CRACD: variants seen among roughly 807,000 people sequenced by gnomAD.
CRACD encodes capping protein inhibiting regulator of actin dynamics.
A neutral mutation model predicts 106.8 loss-of-function variants in CRACD; 56 were observed. The observed-to-expected ratio is 0.52, with a 90% CI of 0.42 to 0.66. The LOEUF (loss-of-function observed/expected upper bound fraction) is 0.66. CRACD is among the 30% of genes least tolerant of loss of function. CRACD has a pLI of 0.00. For synonymous variants in CRACD, 754 were observed against 670.8 expected (o/e 1.12, Z -1.92); for missense variants, 1,730 against 1,623.2 (o/e 1.07, Z -1.13).
At chr4:56,083,540 A>G (rs1283039346) in intron 1 of CRACD, among the ~76,000 whole-genome samples, 1 of 152,010 alleles carries the variant, frequency 6.6e-6, no homozygotes, top group East Asian at 1.9e-4. Context: ...AAACTTACCT[A>G]AATTTCTTGA....
intron 2 of CRACD, among the ~76,000 whole-genome samples, chr4:56,231,046 TA>T (rs1560493674): frequency 2.2e-5 from 3 of 138,294 alleles, no homozygotes; most frequent in African/African-American, 2.7e-5. Context: ...TATAGAAAAG[TA>T]AAAAACAAAA....
intron 2 of CRACD, among the ~76,000 whole-genome samples, chr4:56,217,918 T>C (rs1409426236): frequency 6.6e-6 from 1 of 152,186 alleles, no homozygotes; most frequent in African/African-American, 2.4e-5. Flanking sequence ...ACCAAAGTGT[T>C]GGCAGGGTTG....
At chr4:56,269,562 CTTTTTTTT>C (rs56162079) in intron 2 of CRACD, among the ~76,000 whole-genome samples, 1 of 112,130 alleles carries the variant, frequency 8.9e-6, no homozygotes, top group Non-Finnish European at 1.8e-5. Context: ...AGGTGCCACA[CTTTTTTTT>C]TTTTTTTTTT....
chr4:56,052,500 A>G (rs1409604501), intron 1 of CRACD, among the ~76,000 whole-genome samples: 1 of 152,228 alleles, frequency 6.6e-6, no homozygotes, highest in African/African-American at 2.4e-5. Context: ...TTACAACATC[A>G]ATTGGAGTTT....
intron 2 of CRACD, among the ~76,000 whole-genome samples, chr4:56,255,481 TAAA>T (rs10564197): frequency 0.095 from 14,077 of 147,564 alleles, 1,926 homozygotes; most frequent in East Asian, 0.61. Flanking sequence ...ACTGACTCTT[TAAA>T]AAAAAAAAAT....
chr4:56,152,078 C>T (rs1314648976), intron 1 of CRACD, among the ~76,000 whole-genome samples: 5 of 149,842 alleles, frequency 3.3e-5, no homozygotes, highest in South Asian at 4.2e-4. Context: ...GGTGCGGTCT[C>T]GGCTCACTGC....
chr4:56,148,398 C>T (rs1410453755), intron 1 of CRACD, among the ~76,000 whole-genome samples: 1 of 151,948 alleles, frequency 6.6e-6, no homozygotes, highest in African/African-American at 2.4e-5. Context: ...TCAAGGGATC[C>T]TCCCACCTCA....
At chr4:56,058,058 G>A (rs1276798572) in intron 1 of CRACD, among the ~76,000 whole-genome samples, 1 of 151,390 alleles carries the variant, frequency 6.6e-6, no homozygotes, top group African/African-American at 2.4e-5. Flanking sequence ...CTGACATCAA[G>A]TGATCCACTC....
At chr4:56,326,809 G>A (rs375812807) in intron 10 of CRACD, among the ~76,000 whole-genome samples, 2 of 150,732 alleles carry the variant, frequency 1.3e-5, no homozygotes, top group Non-Finnish European at 2.9e-5. Context: ...GTGCGATGTC[G>A]ATTCACTGCA....
intron 2 of CRACD, among the ~76,000 whole-genome samples, chr4:56,187,380 C>T (rs973880991): frequency 2.0e-5 from 3 of 152,196 alleles, no homozygotes; most frequent in South Asian, 2.1e-4. Flanking sequence ...ACACAATCTC[C>T]GCAGGTCACA....
intron 1 of CRACD, among the ~76,000 whole-genome samples, chr4:56,128,732 C>A (rs1040813529): frequency 7.2e-5 from 11 of 152,076 alleles, no homozygotes; most frequent in Admixed American, 3.9e-4. Flanking sequence ...GGAGACCCCC[C>A]ACCTCAGAAA....
chr4:56,144,992 T>C (rs1164423114), intron 1 of CRACD, among the ~76,000 whole-genome samples: 1 of 152,218 alleles, frequency 6.6e-6, no homozygotes, highest in Non-Finnish European at 1.5e-5. Context: ...TTTGCCATGT[T>C]GGCCAGGCTG....
chr4:56,152,019 T>C (rs970726615), intron 1 of CRACD, among the ~76,000 whole-genome samples: 1 of 150,882 alleles, frequency 6.6e-6, no homozygotes, highest in African/African-American at 2.4e-5. Context: ...TTTTCTTTTT[T>C]TTTTTTTTGA....
intron 1 of CRACD, among the ~76,000 whole-genome samples, chr4:56,165,118 T>C (rs1413268551): frequency 6.6e-6 from 1 of 152,244 alleles, no homozygotes; most frequent in African/African-American, 2.4e-5. Context: ...TTTATCACTT[T>C]CTGCCATCGT....
intron 1 of CRACD, among the ~76,000 whole-genome samples, chr4:56,171,329 G>T (rs1351212): frequency 0.74 from 111,909 of 151,958 alleles, 42,078 homozygotes; most frequent in African/African-American, 0.88. Flanking sequence ...ACTGTGAATA[G>T]TTATCAGTGG....
At chr4:56,265,209 T>G (rs1741938051) in intron 2 of CRACD, among the ~76,000 whole-genome samples, 1 of 152,192 alleles carries the variant, frequency 6.6e-6, no homozygotes, top group African/African-American at 2.4e-5. Flanking sequence ...TTCTCAGAAA[T>G]ATTCAGATAT....
chr4:56,298,165 C>T, intron 3 of CRACD, 49 bp from the exon 4 acceptor site: 1 of 1,580,542 alleles, frequency 6.3e-7, no homozygotes, highest in Non-Finnish European at 8.6e-7. Context: ...ACTGAATTGC[C>T]AAAAGAAATT....
At chr4:56,132,857 T>C (rs1734872419) in intron 1 of CRACD, among the ~76,000 whole-genome samples, 2 of 152,314 alleles carry the variant, frequency 1.3e-5, no homozygotes, top group South Asian at 4.1e-4. Flanking sequence ...TCTCATCAAT[T>C]AGCTAATAGG....
chr4:56,125,178 C>G (rs1734617467), intron 1 of CRACD, among the ~76,000 whole-genome samples: 1 of 152,124 alleles, frequency 6.6e-6, no homozygotes, highest in Non-Finnish European at 1.5e-5. Flanking sequence ...ATCACTTTCA[C>G]CCAGTGACTT....
Sources: allele counts gnomAD v4.1 joint callset (sites outside exome capture counted in the v4.1 genomes callset), GRCh38; gene constraint gnomAD v4.1.1; transcripts MANE v1.5; gene names NCBI Gene and HGNC (gene_info 2026-07-23, HGNC 2026-07-21).